CNTN5: variants seen among roughly 807,000 people sequenced by gnomAD.
CNTN5 encodes contactin-5.
In CNTN5, 77 loss-of-function variants were observed where a neutral mutation model predicts 129.1. That is an observed-to-expected ratio of 0.60 (90% CI 0.50 to 0.72). CNTN5 has a LOEUF of 0.72. CNTN5 is among the 30% of genes least tolerant of loss of function. The pLI, the probability that CNTN5 is intolerant of heterozygous loss-of-function variation, is 0.00. For synonymous variants in CNTN5, 509 were observed against 465.6 expected, an observed-to-expected ratio of 1.09 and a Z score of -1.20; for missense variants, 1,478 against 1,328.8, an observed-to-expected ratio of 1.11 and a Z score of -1.75.
At chr11:99,757,575 A>G (rs1380830243) in intron 3 of CNTN5, among the ~76,000 whole-genome samples, 1 of 152,064 alleles carries the variant, frequency 6.6e-6, no homozygotes, top group Non-Finnish European at 1.5e-5. Context: ...CCCCACCCTA[A>G]GTAAGTATGA....
chr11:100,263,984 C>T (rs1201250062), intron 17 of CNTN5, among the ~76,000 whole-genome samples: 2 of 152,124 alleles, frequency 1.3e-5, no homozygotes, highest in Non-Finnish European at 2.9e-5. Flanking sequence ...TACATCCATG[C>T]TTCGCTAGTT....
chr11:99,740,849 G>A lies in CNTN5; in HGVS notation c.56-78695G>A, dbSNP rs527332200. On this transcript the variant is annotated intron_variant, in intron 3 of 24. Coordinates refer to ENST00000524871, the MANE Select transcript of CNTN5 (RefSeq NM_014361.4). ...ACCCTTCTAAAAAATTCATGAACCC[G>A]TAGGAAGTAGCATCTCACTGCCTTA... Among the ~76,000 whole-genome samples, 6 of 152,240 alleles carry A rather than the reference G, an allele frequency of 3.9e-5. No individual in the cohort carries two copies. In the South Asian group the frequency reaches 1.2e-3, roughly 32 times the overall value.
chr11:99,172,197 G>C (rs7105384), intron 1 of CNTN5, among the ~76,000 whole-genome samples: 34,691 of 129,744 alleles, frequency 0.27, 4,068 homozygotes, highest in South Asian at 0.31. Context: ...AAATCACTAA[G>C]ACCCAGTTTC....
intron 3 of CNTN5, among the ~76,000 whole-genome samples, chr11:99,643,446 A>G (rs983701616): frequency 5.9e-5 from 9 of 152,080 alleles, no homozygotes; most frequent in Non-Finnish European, 1.0e-4. Context: ...TATTCTGGAA[A>G]CTCTTCTACT....
intron 13 of CNTN5, among the ~76,000 whole-genome samples, chr11:100,074,601 T>G (rs1944054550): frequency 6.6e-6 from 1 of 152,166 alleles, no homozygotes. Flanking sequence ...ATTTAGGAGG[T>G]CTACAAATCA....
chr11:99,661,725 A>G (rs780290801), intron 3 of CNTN5, among the ~76,000 whole-genome samples: 1 of 152,104 alleles, frequency 6.6e-6, no homozygotes, highest in Non-Finnish European at 1.5e-5. Context: ...TAAAAAATCT[A>G]ATATAAATGT....
At chr11:99,053,845 G>A (rs985753353) in intron 1 of CNTN5, among the ~76,000 whole-genome samples, 15 of 152,002 alleles carry the variant, frequency 9.9e-5, no homozygotes, top group Admixed American at 4.6e-4. Flanking sequence ...CTTATCCAAG[G>A]AATATTTTAA....
chr11:99,267,247 G>T (rs1466608634), intron 1 of CNTN5, among the ~76,000 whole-genome samples: 1 of 152,032 alleles, frequency 6.6e-6, no homozygotes, highest in Non-Finnish European at 1.5e-5. Flanking sequence ...CATAGAAAAT[G>T]CAAACTTCCA....
At chr11:99,467,955 T>TTA (rs1453474361) in intron 2 of CNTN5, among the ~76,000 whole-genome samples, 1 of 152,124 alleles carries the variant, frequency 6.6e-6, no homozygotes, top group Non-Finnish European at 1.5e-5. Context: ...TTCATTCCTG[T>TTA]TATATATATT....
intron 6 of CNTN5, among the ~76,000 whole-genome samples, chr11:99,859,774 C>A (rs1444526434): frequency 1.3e-5 from 2 of 152,118 alleles, no homozygotes; most frequent in Admixed American, 1.3e-4. Flanking sequence ...GTTGATTCCA[C>A]GTCTTTGCTA....
At chr11:99,145,525 G>C (rs1054218035) in intron 1 of CNTN5, among the ~76,000 whole-genome samples, 4 of 151,744 alleles carry the variant, frequency 2.6e-5, no homozygotes, top group African/African-American at 9.7e-5. Flanking sequence ...AATCCTATTT[G>C]TCTTCATTAA....
At chr11:99,330,599 T>C (rs1865961374) in intron 2 of CNTN5, among the ~76,000 whole-genome samples, 1 of 152,110 alleles carries the variant, frequency 6.6e-6, no homozygotes, top group African/African-American at 2.4e-5. Flanking sequence ...GGATTCATGA[T>C]GAGGTGCCAC....
intron 2 of CNTN5, among the ~76,000 whole-genome samples, chr11:99,489,704 G>A (rs183617500): frequency 1.3e-4 from 20 of 152,248 alleles, no homozygotes; most frequent in Non-Finnish European, 2.6e-4. Context: ...ATTCTGTAGC[G>A]TGGAGTCTGC....
chr11:99,910,836 T>C (rs527989512), intron 6 of CNTN5, among the ~76,000 whole-genome samples: 1 of 152,198 alleles, frequency 6.6e-6, no homozygotes, highest in South Asian at 2.1e-4. Context: ...TAATTTTTAT[T>C]ATAGGGTATT....
At chr11:99,117,100 A>G (rs766471181) in intron 1 of CNTN5, among the ~76,000 whole-genome samples, 2 of 152,178 alleles carry the variant, frequency 1.3e-5, no homozygotes, top group Non-Finnish European at 2.9e-5. Flanking sequence ...TATGGAGAAG[A>G]TTTTCAAGAA....
At chr11:100,026,764 T>C (rs147088154) in intron 9 of CNTN5, among the ~76,000 whole-genome samples, 44 of 152,308 alleles carry the variant, frequency 2.9e-4, no homozygotes, top group African/African-American at 9.6e-4. Flanking sequence ...GTCCCTTTTA[T>C]ATTTTGGATA....
chr11:99,758,706 T>C (rs1944482293), intron 3 of CNTN5, among the ~76,000 whole-genome samples: 1 of 151,942 alleles, frequency 6.6e-6, no homozygotes. Context: ...ACTAAATGAC[T>C]AGCAGTAGAA....
chr11:99,773,311 T>C (rs1419322874), intron 3 of CNTN5, among the ~76,000 whole-genome samples: 1 of 152,156 alleles, frequency 6.6e-6, no homozygotes, highest in Non-Finnish European at 1.5e-5. Context: ...TCTGTTTTTA[T>C]ATAGTTCTAA....
At chr11:99,661,481 TTAA>T (rs1175814049) in intron 3 of CNTN5, among the ~76,000 whole-genome samples, 14 of 152,108 alleles carry the variant, frequency 9.2e-5, no homozygotes, top group Admixed American at 9.2e-4. Flanking sequence ...ATGGGTTATT[TTAA>T]TAATCTTAGA....
Sources: gnomAD v4.1 joint callset for allele counts (sites outside exome capture counted in the v4.1 genomes callset) on GRCh38, gnomAD v4.1.1 for gene constraint, MANE v1.5 for transcripts, NCBI Gene and HGNC (gene_info 2026-07-23, HGNC 2026-07-21) for gene names.